The following ZNF804A variants were observed in gnomAD, a reference collection of about 807,000 sequenced individuals.
ZNF804A encodes zinc finger protein 804A.
Under a neutral mutation model 16.5 loss-of-function variants are expected in ZNF804A, and 2 were observed. The observed-to-expected ratio is 0.12, with a 90% CI of 0.05 to 0.38. The LOEUF is 0.38. Among genes scored for constraint, ZNF804A ranks in the 10% least tolerant of loss-of-function variants. ZNF804A has a pLI of 0.99. For missense variants in ZNF804A, 1,473 were observed against 1,390.7 expected (o/e 1.06, Z -0.94); for synonymous variants, 534 against 489.6 (o/e 1.09, Z -1.20).
chr2:184,701,164 A>T (rs1349807615), intron 1 of ZNF804A, among the ~76,000 whole-genome samples: 1 of 151,958 alleles, frequency 6.6e-6, no homozygotes, highest in Non-Finnish European at 1.5e-5. Flanking sequence ...CCTTACTTTA[A>T]TTGCATGCAT....
intron 1 of ZNF804A, among the ~76,000 whole-genome samples, chr2:184,666,998 T>C (rs1426041175): frequency 6.6e-6 from 1 of 152,044 alleles, no homozygotes; most frequent in Non-Finnish European, 1.5e-5. Context: ...CATTTAACTT[T>C]CAAGTGTTTA....
Position 184,936,376 on chromosome 2 carries a change from A to C in ZNF804A, c.980A>C (p.Asn327Thr), listed in dbSNP as rs61739291. 0.027 allele frequency: 43,341 copies of C among 1,614,010 alleles called. 691 individuals are homozygous for C. The highest frequency in any genetic ancestry group is 0.031 in the Non-Finnish European group (36,735 of 1,179,948). The change falls in exon 4 of 4, where the codon AAT becomes ACT. Residue 327 changes from asparagine (N) to threonine (T), a missense_variant. Physicochemically the swap from Asn to Thr is moderately conservative, Grantham distance 65 (BLOSUM62 0). Transcript: ENST00000302277. Reference sequence around the variant, plus strand: ...TCTTCTGATGCAGATAATTGTCAAAATTCAGTCCCATTAGCAGATCAAATA... The same window carrying C: ...TCTTCTGATGCAGATAATTGTCAAACTTCAGTCCCATTAGCAGATCAAATA... ...QLSSDADNCQ[N>T]SVPLADQIPL...
In ZNF804A at chr2:184,618,469, A is replaced by G. The variant is rs1691364041; in HGVS notation, c.111+19399A>G. On this transcript the variant is annotated intron_variant, in intron 1 of 3. Transcript: ENST00000302277. ...GATAGGAAAAAAAGATTATTTAATA[A>G]AAGATATGATTTTGGTAAAATTCAG... is the stretch of plus-strand genomic sequence containing the variant. 2.0e-5 allele frequency among the ~76,000 whole-genome samples: 3 copies of G among 152,148 alleles called. No individual in the cohort carries two copies. In the South Asian group the frequency reaches 6.2e-4, roughly 32 times the overall value.
At chr2:184,867,845 T>A (rs192168021) in intron 2 of ZNF804A, among the ~76,000 whole-genome samples, 1 of 152,230 alleles carries the variant, frequency 6.6e-6, no homozygotes, top group African/African-American at 2.4e-5. Flanking sequence ...ATTCCTCTGA[T>A]TTTTCCTATG....
chr2:184,890,224 T>C (rs976286742), intron 2 of ZNF804A, among the ~76,000 whole-genome samples: 1 of 152,192 alleles, frequency 6.6e-6, no homozygotes, highest in Non-Finnish European at 1.5e-5. Flanking sequence ...AAAATGTTAC[T>C]GTGTTGCCTT....
At chr2:184,711,931 G>T (rs1053700883) in intron 1 of ZNF804A, among the ~76,000 whole-genome samples, 3 of 151,532 alleles carry the variant, frequency 2.0e-5, no homozygotes, top group Non-Finnish European at 4.4e-5. Flanking sequence ...CAGTTTTGTT[G>T]TTCTTAAGAT....
intron 2 of ZNF804A, among the ~76,000 whole-genome samples, chr2:184,919,209 C>T (rs1311348745): frequency 6.6e-6 from 1 of 152,216 alleles, no homozygotes; most frequent in African/African-American, 2.4e-5. Flanking sequence ...GAGTAAATTT[C>T]TATTCCAGGA....
chr2:184,756,991 G>A (rs960989557), intron 1 of ZNF804A, among the ~76,000 whole-genome samples: 2 of 151,934 alleles, frequency 1.3e-5, no homozygotes, highest in Admixed American at 1.3e-4. Flanking sequence ...GGTTTAATCA[G>A]CAACTTCAGT....
At chr2:184,863,057 G>C (rs190434487) in intron 1 of ZNF804A, among the ~76,000 whole-genome samples, 1 of 152,030 alleles carries the variant, frequency 6.6e-6, no homozygotes, top group South Asian at 2.1e-4. Flanking sequence ...AAGATGAAAG[G>C]GTATGAGATG....
chr2:184,781,368 G>A (rs540545763), intron 1 of ZNF804A, among the ~76,000 whole-genome samples: 2 of 151,702 alleles, frequency 1.3e-5, no homozygotes, highest in African/African-American at 4.8e-5. Flanking sequence ...CCCCAGGAGA[G>A]AATAACTGTT....
At chr2:184,933,162 CACAG>C (rs1216510554) in intron 2 of ZNF804A, among the ~76,000 whole-genome samples, 3 of 151,794 alleles carry the variant, frequency 2.0e-5, no homozygotes, top group Non-Finnish European at 2.9e-5. Flanking sequence ...CACACACACA[CACAG>C]ACACAAAGGA....
At chr2:184,692,771 T>C (rs1310652323) in intron 1 of ZNF804A, among the ~76,000 whole-genome samples, 1 of 152,212 alleles carries the variant, frequency 6.6e-6, no homozygotes, top group Non-Finnish European at 1.5e-5. Flanking sequence ...GATTTACCAA[T>C]ATCATCGTAA....
In ZNF804A at chr2:184,777,416, C is replaced by T. The variant is rs897217593; in HGVS notation, c.112-88953C>T. On this transcript the variant is annotated intron_variant, in intron 1 of 3. Transcript: ENST00000302277. ...TCCAGATTAGTGACTTTTTTAAACC[C>T]TTTCTGCTGTTTTCCTTCCCTATTG... Among the ~76,000 whole-genome samples, 3 of 151,482 alleles carry T rather than the reference C, an allele frequency of 2.0e-5. No homozygotes were observed. The East Asian group carries it at 5.8e-4, about 29-fold the overall frequency.
chr2:184,859,530 T>C (rs1053089950), intron 1 of ZNF804A, among the ~76,000 whole-genome samples: 2 of 152,212 alleles, frequency 1.3e-5, no homozygotes, highest in African/African-American at 2.4e-5. Context: ...TTTCTGTGTT[T>C]TGTTAAAGTT....
At chr2:184,638,142 G>A (rs1691731437) in intron 1 of ZNF804A, among the ~76,000 whole-genome samples, 1 of 152,108 alleles carries the variant, frequency 6.6e-6, no homozygotes, top group South Asian at 2.1e-4. Flanking sequence ...CAACAATATA[G>A]AGCTGTTAGG....
At chr2:184,914,791 C>A (rs1685419621) in intron 2 of ZNF804A, among the ~76,000 whole-genome samples, 1 of 151,814 alleles carries the variant, frequency 6.6e-6, no homozygotes. Context: ...CAGACCACTA[C>A]AACTGTGTCT....
At chr2:184,607,587 C>T (rs116801064) in intron 1 of ZNF804A, among the ~76,000 whole-genome samples, 262 of 152,138 alleles carry the variant, frequency 1.7e-3, no homozygotes, top group African/African-American at 5.8e-3. Context: ...CCAGGTCCCC[C>T]CCTTCCACCC....
intron 2 of ZNF804A, among the ~76,000 whole-genome samples, chr2:184,908,046 G>C (rs1685303333): frequency 6.6e-6 from 1 of 151,964 alleles, no homozygotes; most frequent in Admixed American, 6.6e-5. Flanking sequence ...TATATCTTGG[G>C]TACTATATTA....
chr2:184,796,295 C>T (rs1422511123), intron 1 of ZNF804A, among the ~76,000 whole-genome samples: 2 of 151,950 alleles, frequency 1.3e-5, no homozygotes, highest in African/African-American at 2.4e-5. Flanking sequence ...AGGATTAGTA[C>T]CAATTCTTCT....
Sources: allele counts gnomAD v4.1 joint callset (sites outside exome capture counted in the v4.1 genomes callset), GRCh38; gene constraint gnomAD v4.1.1; transcripts MANE v1.5; gene names NCBI Gene and HGNC (gene_info 2026-07-23, HGNC 2026-07-21).